Variants in CNTN1 observed in about 807,000 individuals in gnomAD.
The protein encoded by CNTN1 is contactin-1.
A neutral mutation model predicts 126.4 loss-of-function variants in CNTN1; 38 were observed. The ratio of observed to expected loss-of-function variants is 0.30; its 90% CI spans 0.23 to 0.39. The LOEUF (loss-of-function observed/expected upper bound fraction) is 0.39, where lower values mean the gene tolerates loss of function less well. Among genes scored for constraint, CNTN1 ranks in the 10% least tolerant of loss-of-function variants. CNTN1 has a pLI of 1.00. For synonymous variants in CNTN1, 413 were observed against 422.6 expected, an observed-to-expected ratio of 0.98 and a Z score of 0.28; for missense variants, 1,009 against 1,248.4, an observed-to-expected ratio of 0.81 and a Z score of 2.89.
At chr12:41,007,162 C>T (rs1396127736) in intron 17 of CNTN1, among the ~76,000 whole-genome samples, 1 of 145,398 alleles carries the variant, frequency 6.9e-6, no homozygotes, top group East Asian at 2.0e-4. Context: ...CGGGTTCACG[C>T]CATTCTCCTG....
At chr12:40,952,064 C>CA (rs200365648) in intron 14 of CNTN1, among the ~76,000 whole-genome samples, 2,562 of 151,842 alleles carry the variant, frequency 0.017, 76 homozygotes, top group African/African-American at 0.059. Context: ...ATTTAAATAG[C>CA]AAAAAAATAA....
At chr12:41,028,101 G>A (rs1949073101) in intron 22 of CNTN1, 132 bp downstream of exon 22, 2 of 670,724 alleles carry the variant, frequency 3.0e-6, no homozygotes, top group Non-Finnish European at 5.4e-6. Context: ...GTACAATCTT[G>A]GCTCATTGCA....
chr12:41,029,338 G>A (rs1949095634), intron 23 of CNTN1, 119 bp downstream of exon 23: 1 of 1,158,646 alleles, frequency 8.6e-7, no homozygotes, highest in Non-Finnish European at 1.3e-6. Context: ...TAAGTAGATT[G>A]GACATATCAA....
intron 1 of CNTN1, among the ~76,000 whole-genome samples, chr12:40,896,392 A>G (rs1191277643): frequency 6.6e-6 from 1 of 152,132 alleles, no homozygotes; most frequent in East Asian, 1.9e-4. Context: ...TCTCAGAAGT[A>G]TGTATTATAT....
chr12:40,744,301 A>C (rs938477385), intron 1 of CNTN1, among the ~76,000 whole-genome samples: 20 of 11,860 alleles, frequency 1.7e-3, no homozygotes, highest in Admixed American at 9.7e-3. Flanking sequence ...AAATTAAATT[A>C]AATAAAAAAA....
chr12:40,801,477 A>G (rs1940650635), intron 1 of CNTN1, among the ~76,000 whole-genome samples: 1 of 152,014 alleles, frequency 6.6e-6, no homozygotes, highest in African/African-American at 2.4e-5. Context: ...GAGATAAGGT[A>G]GAATTTTGTG....
chr12:40,787,430 G>A (rs1416061985), intron 1 of CNTN1, among the ~76,000 whole-genome samples: 4 of 152,040 alleles, frequency 2.6e-5, no homozygotes, highest in Non-Finnish European at 5.9e-5. Context: ...ATTGCATTTG[G>A]CAGACTCTGC....
At chr12:41,069,911 T>C (rs1273870070) in intron 23 of CNTN1, 48 bp from the exon 24 acceptor site, 6 of 1,465,406 alleles carry the variant, frequency 4.1e-6, no homozygotes, top group Non-Finnish European at 3.8e-6. Flanking sequence ...TGAGCAATAG[T>C]GACATGTATC....
At chr12:40,744,602 G>C (rs1938101539) in intron 1 of CNTN1, among the ~76,000 whole-genome samples, 1 of 152,092 alleles carries the variant, frequency 6.6e-6, no homozygotes, top group Admixed American at 6.6e-5. Flanking sequence ...GTTGATATTA[G>C]AATACATAGG....
intron 1 of CNTN1, among the ~76,000 whole-genome samples, chr12:40,822,669 A>G (rs1391388174): frequency 6.6e-6 from 1 of 152,152 alleles, no homozygotes; most frequent in Non-Finnish European, 1.5e-5. Flanking sequence ...ATATCTATGT[A>G]CCTTTAAGAA....
intron 1 of CNTN1, among the ~76,000 whole-genome samples, chr12:40,754,696 C>A (rs1938533490): frequency 6.6e-6 from 1 of 151,876 alleles, no homozygotes; most frequent in South Asian, 2.1e-4. Flanking sequence ...ATTTATGTTG[C>A]AAGTTTTTTC....
At chr12:41,025,630 T>C (rs187945116) in intron 21 of CNTN1, among the ~76,000 whole-genome samples, 16 of 152,346 alleles carry the variant, frequency 1.1e-4, no homozygotes, top group Admixed American at 7.2e-4. Flanking sequence ...CCTGTACTTA[T>C]TAATTTAAAC....
intron 1 of CNTN1, among the ~76,000 whole-genome samples, chr12:40,906,201 G>A (rs1256683592): frequency 2.6e-5 from 4 of 152,150 alleles, no homozygotes; most frequent in Non-Finnish European, 5.9e-5. Flanking sequence ...AACCCAGGAG[G>A]TGGAGCTTGC....
intron 23 of CNTN1, among the ~76,000 whole-genome samples, chr12:41,042,230 G>A (rs901986320): frequency 1.5e-4 from 23 of 152,226 alleles, no homozygotes; most frequent in African/African-American, 4.8e-4. Flanking sequence ...GCAGTTTTGA[G>A]TGGGTTTCTT....
At chr12:40,693,339 G>A (rs982918532) in intron 1 of CNTN1, among the ~76,000 whole-genome samples, 1 of 152,204 alleles carries the variant, frequency 6.6e-6, no homozygotes, top group Non-Finnish European at 1.5e-5. Context: ...AGGTGGATTT[G>A]GCTTCAGGGA....
intron 3 of CNTN1, among the ~76,000 whole-genome samples, chr12:40,915,771 A>G (rs1165457689): frequency 6.6e-6 from 1 of 152,014 alleles, no homozygotes; most frequent in East Asian, 1.9e-4. Context: ...TGTTGTGTCT[A>G]AAAACTTACT....
At chr12:40,831,963 G>A (rs555101850) in intron 1 of CNTN1, among the ~76,000 whole-genome samples, 2 of 152,238 alleles carry the variant, frequency 1.3e-5, no homozygotes, top group South Asian at 4.1e-4. Flanking sequence ...GGCACCTGGA[G>A]GAAGAATATG....
chr12:40,945,719 C>CT lies in CNTN1; in HGVS notation c.1683+1552dup, dbSNP rs1946412894. 2.0e-5 allele frequency among the ~76,000 whole-genome samples: 3 copies of CT among 150,408 alleles called. No homozygotes were observed. In the South Asian group the frequency reaches 6.3e-4, roughly 32 times the overall value. ...AGAAAGAAAAATAGATCCCAGTCCC[C>CT]TTTAAAAAAAAAAACAGGAAAACAA... On this transcript the variant is annotated intron_variant, in intron 14 of 23. Coordinates refer to ENST00000551295, the MANE Select transcript of CNTN1 (RefSeq NM_001843.4).
At chr12:40,971,714 C>G (rs1228270921) in intron 15 of CNTN1, 29 of 1,340,250 alleles carry the variant, frequency 2.2e-5, no homozygotes, top group East Asian at 3.2e-5. Flanking sequence ...TCACTAATAC[C>G]TTAAAAATGC....
Sources: allele counts gnomAD v4.1 joint callset (sites outside exome capture counted in the v4.1 genomes callset), GRCh38; gene constraint gnomAD v4.1.1; transcripts MANE v1.5; gene names NCBI Gene and HGNC (gene_info 2026-07-23, HGNC 2026-07-21).